Variants in STXBP3 observed in about 807,000 individuals in gnomAD.
The protein encoded by STXBP3 is syntaxin-binding protein 3.
STXBP3 carries 41 observed loss-of-function variants against 85.7 expected under a neutral mutation model. The ratio of observed to expected loss-of-function variants is 0.48; its 90% CI spans 0.37 to 0.62. STXBP3 has a LOEUF of 0.62. Among genes scored for constraint, STXBP3 ranks in the 20% least tolerant of loss-of-function variants. STXBP3 has a pLI of 0.00. For missense variants in STXBP3, 563 were observed against 703.1 expected, an observed-to-expected ratio of 0.80 and a Z score of 2.25; for synonymous variants, 229 against 231.7, an observed-to-expected ratio of 0.99 and a Z score of 0.10.
At chr1:108,773,851 G>A (rs971915538) in intron 7 of STXBP3, among the ~76,000 whole-genome samples, 3 of 151,664 alleles carry the variant, frequency 2.0e-5, no homozygotes, top group African/African-American at 4.8e-5. Flanking sequence ...TTTTTCCTCT[G>A]CATTATATCG....
chr1:108,749,170 A>G (rs1490553539), intron 1 of STXBP3, among the ~76,000 whole-genome samples: 1 of 152,206 alleles, frequency 6.6e-6, no homozygotes. Context: ...GAAAAATAAT[A>G]GCTACCAGGG....
chr1:108,759,480 G>A (rs190444176), intron 5 of STXBP3, among the ~76,000 whole-genome samples: 332 of 152,262 alleles, frequency 2.2e-3, no homozygotes, highest in African/African-American at 7.7e-3. Flanking sequence ...TAAACTCTTT[G>A]ATGAAAGGGG....
chr1:108,763,937 T>G (rs6692478), intron 6 of STXBP3, among the ~76,000 whole-genome samples: 39,066 of 151,896 alleles, frequency 0.26, 5,419 homozygotes, highest in African/African-American at 0.32. Context: ...TTGTTATAGG[T>G]AAACTCATGT....
chr1:108,756,775 T>G lies in STXBP3; in HGVS notation c.258+9T>G, dbSNP rs1346243214. 6.3e-7 allele frequency: 1 copy of G among 1,576,398 alleles called. No homozygotes were observed. Among genetic ancestry groups the G allele is most frequent in the South Asian group, 1.2e-5 (1 of 84,604 alleles). Reference sequence around the variant, plus strand: ...TCACTCCGACATCAAAGGTGAGTATTTTGAGACCTTAAAAAGCAGGTTCAT... The same window carrying G: ...TCACTCCGACATCAAAGGTGAGTATGTTGAGACCTTAAAAAGCAGGTTCAT... On this transcript the variant is annotated intron_variant, in intron 4 of 18. Transcript: ENST00000370008.
intron 6 of STXBP3, chr1:108,767,583 A>G (rs932683545): frequency 6.3e-6 from 1 of 158,038 alleles, no homozygotes; most frequent in African/African-American, 2.4e-5. Context: ...GCTCAGCCCC[A>G]TAGCACCTGT....
Position 108,747,019 on chromosome 1 carries a change from C to T in STXBP3, c.49+233C>T, listed in dbSNP as rs530229087. Among the ~76,000 whole-genome samples the T allele has an allele frequency of 3.3e-3, 505 of 151,126 alleles. 1 individual carries two copies. Among genetic ancestry groups the T allele is most frequent in the African/African-American group, 0.012 (491 of 41,136 alleles). Reference sequence around the variant, plus strand: ...CCTTCTCGTTGGCGTCGGGCACCCCCTCGCCTCGGCCGCGCTCTGGCCGCG... The same window carrying T: ...CCTTCTCGTTGGCGTCGGGCACCCCTTCGCCTCGGCCGCGCTCTGGCCGCG... On this transcript the variant is annotated intron_variant, in intron 1 of 18. Coordinates refer to ENST00000370008, the MANE Select transcript of STXBP3 (RefSeq NM_007269.4).
intron 16 of STXBP3, among the ~76,000 whole-genome samples, chr1:108,799,688 C>G (rs1334071989): frequency 2.6e-5 from 4 of 152,024 alleles, no homozygotes; most frequent in African/African-American, 9.7e-5. Flanking sequence ...AACCTATTTA[C>G]TTATAAGTTA....
chr1:108,756,842 A>G (rs1662032398), intron 4 of STXBP3, 76 bp downstream of exon 4: 1 of 1,091,026 alleles, frequency 9.2e-7, no homozygotes, highest in Non-Finnish European at 1.3e-6. Flanking sequence ...AGAAAATTCA[A>G]AGTAATAAAG....
intron 17 of STXBP3, 62 bp from the exon 18 acceptor site, chr1:108,807,339 G>T: frequency 6.6e-7 from 1 of 1,513,080 alleles, no homozygotes. Context: ...AAGTCTACAA[G>T]CATTATGGCT....
chr1:108,782,106 A>G lies in STXBP3; in HGVS notation c.810-316A>G, dbSNP rs1408536973. 1.3e-5 allele frequency: 3 copies of G among 231,976 alleles called. No homozygotes were observed. In the East Asian group the frequency reaches 3.0e-4, roughly 23 times the overall value. 14.4% of individuals were successfully genotyped at this position (231,976 alleles called of 1,614,324 possible). A position where few individuals can be genotyped will look rare whatever the true frequency, so the allele number is the denominator to read the frequency against. On this transcript the variant is annotated intron_variant, in intron 9 of 18. Coordinates refer to ENST00000370008, the MANE Select transcript of STXBP3 (RefSeq NM_007269.4). ...GGGAATTAGAACACAAAGCGTTAGT[A>G]TATTGAGTCTTGTTCTTAAAGTTAA...
At chr1:108,798,121 A>G (rs774883664) in intron 15 of STXBP3, 24 bp from the exon 16 acceptor site, 4 of 1,559,006 alleles carry the variant, frequency 2.6e-6, no homozygotes, top group Non-Finnish European at 3.5e-6. Flanking sequence ...CTGGTTTTTA[A>G]TTTTTTTCCT....
At chr1:108,786,998 G>T (rs1265278581) in intron 11 of STXBP3, among the ~76,000 whole-genome samples, 1 of 151,810 alleles carries the variant, frequency 6.6e-6, no homozygotes, top group Non-Finnish European at 1.5e-5. Flanking sequence ...TTATTTCTAG[G>T]TATTTGATTT....
Position 108,788,672 on chromosome 1 carries a change from T to C in STXBP3, c.964-4910T>C, listed in dbSNP as rs116228876. On this transcript the variant is annotated intron_variant, in intron 11 of 18. Transcript: ENST00000370008. ...TGTCTATTATATCTAAATTTTGAAA[T>C]GTCCTCTTATCCTTTCAATATGTGT... Among the ~76,000 whole-genome samples the C allele has an allele frequency of 7.5e-3, 1,143 of 152,346 alleles. 13 individuals carry two copies. Among genetic ancestry groups the C allele is most frequent in the African/African-American group, 0.026 (1,094 of 41,580 alleles).
At chr1:108,788,438 C>G (rs570108008) in intron 11 of STXBP3, among the ~76,000 whole-genome samples, 7 of 152,252 alleles carry the variant, frequency 4.6e-5, no homozygotes, top group African/African-American at 1.7e-4. Context: ...CTTTGTCATT[C>G]CATTCTCTGA....
intron 6 of STXBP3, chr1:108,767,484 A>T (rs1662289920): frequency 5.4e-6 from 1 of 184,160 alleles, no homozygotes; most frequent in Non-Finnish European, 1.1e-5. Flanking sequence ...TGATTGTAAG[A>T]GCTTTATTGC....
At chr1:108,767,546 C>A in intron 6 of STXBP3, 2 of 165,496 alleles carry the variant, frequency 1.2e-5, no homozygotes, top group South Asian at 2.9e-4. Context: ...GTGTGTTGTC[C>A]AGGTCAAAGA....
At chr1:108,748,480 C>T (rs1661839224) in intron 1 of STXBP3, among the ~76,000 whole-genome samples, 1 of 152,126 alleles carries the variant, frequency 6.6e-6, no homozygotes, top group Non-Finnish European at 1.5e-5. Flanking sequence ...ATTGATTGTG[C>T]CACCGCACTC....
At chr1:108,776,473 C>T (rs781656383) in intron 8 of STXBP3, 50 bp downstream of exon 8, 21 of 1,382,380 alleles carry the variant, frequency 1.5e-5, no homozygotes, top group South Asian at 3.9e-5. Context: ...TGTCTTATTT[C>T]TTTATAAGCC....
chr1:108,796,305 A>G lies in STXBP3; in HGVS notation c.1182A>G (p.Leu394=). ...KDSMRVLLPV[L]LNKNHDNCDK... ...CCATGCGAGTACTCCTTCCAGTTCT[A>G]CTCAACAAAAATCATGATAATTGTG... The change falls in exon 14 of 19, where the codon CTA becomes CTG. Residue 394 remains leucine (L), a synonymous_variant. Transcript: ENST00000370008. 1.2e-6 allele frequency: 2 copies of G among 1,611,246 alleles called. No individual in the cohort carries two copies. The highest frequency in any genetic ancestry group is 1.7e-6 in the Non-Finnish European group (2 of 1,177,418).
Sources: allele counts gnomAD v4.1 joint callset (sites outside exome capture counted in the v4.1 genomes callset), GRCh38; gene constraint gnomAD v4.1.1; transcripts MANE v1.5; gene names NCBI Gene and HGNC (gene_info 2026-07-23, HGNC 2026-07-21).